Variants in SNTG2 observed in about 807,000 individuals in gnomAD.
SNTG2 encodes syntrophin gamma 2, also known as gamma-2-syntrophin.
A neutral mutation model predicts 70.9 loss-of-function variants in SNTG2; 74 were observed. The observed-to-expected ratio is 1.04, with a 90% CI of 0.86 to 1.27. SNTG2 has a LOEUF of 1.27. SNTG2 is among the 50% of genes most tolerant of loss of function. SNTG2 has a pLI of 0.00. For synonymous variants in SNTG2, 278 were observed against 273.8 expected, an observed-to-expected ratio of 1.02 and a Z score of -0.15; for missense variants, 717 against 690.7, an observed-to-expected ratio of 1.04 and a Z score of -0.43.
At chr2:1,354,840 G>A (rs191423007) in intron 16 of SNTG2, among the ~76,000 whole-genome samples, 29 of 152,350 alleles carry the variant, frequency 1.9e-4, no homozygotes, top group African/African-American at 6.5e-4. Flanking sequence ...AATACTTTGG[G>A]ACTTTACAGC....
chr2:1,160,255 G>A (rs780558998), intron 6 of SNTG2: 2 of 152,112 alleles, frequency 1.3e-5, no homozygotes, highest in African/African-American at 2.4e-5. Context: ...ACGAGAAAAC[G>A]TTCTTACAAA....
intron 2 of SNTG2, among the ~76,000 whole-genome samples, chr2:1,090,168 A>C (rs4971435): frequency 6.6e-6 from 1 of 152,028 alleles, no homozygotes; most frequent in Non-Finnish European, 1.5e-5. Context: ...AACCTGCTCC[A>C]TGTAGATCTA....
chr2:1,255,855 T>TATATATAAATATATAA (rs1297906759), intron 12 of SNTG2, among the ~76,000 whole-genome samples: 1 of 59,950 alleles, frequency 1.7e-5, no homozygotes, highest in Non-Finnish European at 2.8e-5. Context: ...TATATATAAA[T>TATATATAAATATATAA]ATATATAAAT....
intron 14 of SNTG2, among the ~76,000 whole-genome samples, chr2:1,299,278 C>A (rs1014988839): frequency 9.9e-5 from 15 of 152,200 alleles, no homozygotes. Flanking sequence ...TAAGGAATGT[C>A]CGCAAACCAA....
At chr2:1,319,883 TAAG>T (rs1336204827) in intron 16 of SNTG2, among the ~76,000 whole-genome samples, 4 of 152,156 alleles carry the variant, frequency 2.6e-5, no homozygotes, top group African/African-American at 7.2e-5. Context: ...ATGCAAGACT[TAAG>T]GAGTCCACGG....
At chr2:952,547 T>C (rs1378223723) in intron 1 of SNTG2, among the ~76,000 whole-genome samples, 1 of 152,250 alleles carries the variant, frequency 6.6e-6, no homozygotes, top group Non-Finnish European at 1.5e-5. Context: ...ATTTGATGTT[T>C]TCCAGTCAAG....
At chr2:968,092 T>C (rs925643260) in intron 1 of SNTG2, among the ~76,000 whole-genome samples, 4 of 152,288 alleles carry the variant, frequency 2.6e-5, no homozygotes, top group South Asian at 2.1e-4. Context: ...TATTATTTCT[T>C]GCATAAAATT....
rs79497435 is a variant in SNTG2 at position 1,230,736 on chromosome 2, G to A, written c.720-7152G>A. Reference sequence around the variant, plus strand: ...CCAGACATTCCCAAGCCTAGGCCCGGGCCCCACACTCAGCAGCTCTTCAGC... The same window carrying A: ...CCAGACATTCCCAAGCCTAGGCCCGAGCCCCACACTCAGCAGCTCTTCAGC... On this transcript the variant is annotated intron_variant, in intron 9 of 16. Coordinates refer to ENST00000308624, the MANE Select transcript of SNTG2 (RefSeq NM_018968.4). Among the ~76,000 whole-genome samples the A allele has an allele frequency of 3.7e-3, 559 of 152,326 alleles. 1 individual carries two copies. Among genetic ancestry groups the A allele is most frequent in the Middle Eastern group, 6.8e-3 (2 of 294 alleles).
At position 1,213,165 on chromosome 2, in the gene SNTG2, TAATTA is replaced by T. The variant is rs754852832; in HGVS notation, c.719+3939_719+3943del. ...TTCAATACATGTTTGCATTATGGAA[TAATTA>T]AATCAAGCTACTTGGCATGTCAGTA... On this transcript the variant is annotated intron_variant, in intron 9 of 16. Transcript: ENST00000308624. Among the ~76,000 whole-genome samples, 32 of 152,348 alleles carry T rather than the reference TAATTA, an allele frequency of 2.1e-4. 1 individual carries two copies. The highest frequency in any genetic ancestry group is 6.0e-4 in the African/African-American group (25 of 41,584).
chr2:1,154,590 G>A (rs1189566703), intron 6 of SNTG2, among the ~76,000 whole-genome samples: 2 of 152,162 alleles, frequency 1.3e-5, no homozygotes, highest in Non-Finnish European at 2.9e-5. Flanking sequence ...ACCTGCAGCA[G>A]CGTGACAGTG....
intron 6 of SNTG2, among the ~76,000 whole-genome samples, chr2:1,145,995 C>G (rs960929917): frequency 1.3e-5 from 2 of 151,974 alleles, no homozygotes; most frequent in African/African-American, 4.8e-5. Context: ...CCACAAAACC[C>G]AACATCCATT....
chr2:1,295,137 C>T (rs1288272768), intron 14 of SNTG2, among the ~76,000 whole-genome samples: 1 of 152,100 alleles, frequency 6.6e-6, no homozygotes, highest in African/African-American at 2.4e-5. Context: ...AGGGTGGTGC[C>T]GCAGGGACTC....
At chr2:1,008,259 A>G (rs528094599) in intron 1 of SNTG2, among the ~76,000 whole-genome samples, 1 of 152,302 alleles carries the variant, frequency 6.6e-6, no homozygotes, top group Non-Finnish European at 1.5e-5. Context: ...GTTAGGGGAC[A>G]TTTCGAATGT....
intron 4 of SNTG2, among the ~76,000 whole-genome samples, chr2:1,117,542 G>A (rs1043863402): frequency 2.0e-5 from 3 of 152,156 alleles, no homozygotes; most frequent in Admixed American, 1.3e-4. Flanking sequence ...CCCTCACGGA[G>A]TCCTGTGTGT....
At chr2:1,093,216 T>C (rs1665150686) in intron 2 of SNTG2, among the ~76,000 whole-genome samples, 1 of 152,138 alleles carries the variant, frequency 6.6e-6, no homozygotes, top group Non-Finnish European at 1.5e-5. Context: ...GGTCCTTGAC[T>C]TTAAGGGGTA....
rs569178176 is a variant in SNTG2 at position 1,259,381 on chromosome 2, C to G, written c.1017C>G (p.Phe339Leu). Reference sequence around the variant, plus strand: ...TCTGTTTCTTGCAGGTGAGCACATTCGATTGGGTGCGAGCAGAAAGGACCT... The same window carrying G: ...TCTGTTTCTTGCAGGTGAGCACATTGGATTGGGTGCGAGCAGAAAGGACCT... Reference protein sequence around the residue: ...YVFSTPPVSTFDWVRAERTYH... With the variant: ...YVFSTPPVSTLDWVRAERTYH... The change falls in exon 13 of 17, where the codon TTC (phenylalanine) becomes TTG (leucine). Residue 339 changes from phenylalanine (F) to leucine (L), a missense_variant. By Grantham distance (22) the Phe-to-Leu change is conservative. Coordinates refer to ENST00000308624, the MANE Select transcript of SNTG2 (RefSeq NM_018968.4). The G allele has an allele frequency of 2.5e-6, 4 of 1,613,902 alleles. No individual in the cohort carries two copies. The highest frequency in any genetic ancestry group is 3.4e-6 in the Non-Finnish European group (4 of 1,179,860).
chr2:1,154,879 A>G (rs1250230673), intron 6 of SNTG2, among the ~76,000 whole-genome samples: 1 of 151,464 alleles, frequency 6.6e-6, no homozygotes. Flanking sequence ...CCACACAAAC[A>G]CACCACACAC....
At chr2:1,207,653 G>A (rs1205212745) in intron 8 of SNTG2, among the ~76,000 whole-genome samples, 4 of 152,228 alleles carry the variant, frequency 2.6e-5, no homozygotes, top group African/African-American at 9.6e-5. Flanking sequence ...TTAAGCGTAA[G>A]CATTGTGTAG....
chr2:982,765 C>CTA (rs1553304517), intron 1 of SNTG2, among the ~76,000 whole-genome samples: 1 of 152,176 alleles, frequency 6.6e-6, no homozygotes, highest in Non-Finnish European at 1.5e-5. Flanking sequence ...TAGTATTGAC[C>CTA]GTGGCCCTCA....
Sources: gnomAD v4.1 joint callset for allele counts (sites outside exome capture counted in the v4.1 genomes callset) on GRCh38, gnomAD v4.1.1 for gene constraint, MANE v1.5 for transcripts, NCBI Gene and HGNC (gene_info 2026-07-23, HGNC 2026-07-21) for gene names.